Variants in YARS1 observed in about 807,000 individuals in gnomAD.
YARS1 encodes the protein tyrosyl-tRNA synthetase 1.
In YARS1, 36 loss-of-function variants were observed where a neutral mutation model predicts 62.2. The observed-to-expected ratio is 0.58, with a 90% CI of 0.44 to 0.76. YARS1 has a LOEUF of 0.76. YARS1 is among the 30% of genes least tolerant of loss of function. The probability of loss-of-function intolerance (pLI) is 0.00; values close to 1 mark genes in which losing one functional copy is unlikely to be tolerated. For synonymous variants in YARS1, 234 were observed against 244.9 expected, an observed-to-expected ratio of 0.96 and a Z score of 0.42; for missense variants, 524 against 639.8, an observed-to-expected ratio of 0.82 and a Z score of 1.95.
At chr1:32,792,835 G>A (rs1653454409) in intron 5 of YARS1, among the ~76,000 whole-genome samples, 1 of 151,526 alleles carries the variant, frequency 6.6e-6, no homozygotes, top group South Asian at 2.1e-4. Flanking sequence ...AGCTGAGATT[G>A]CGCCACTGCA....
At position 32,780,162 on chromosome 1, in the gene YARS1, C is replaced by A. The variant is rs141675786; in HGVS notation, c.1257G>T (p.Leu419=). Residue 419 remains leucine (L), a synonymous_variant, in exon 11 of 13, where the codon CTG becomes CTT. Transcript: ENST00000373477. The part of the protein sequence containing the change: ...FVPKEELQDR[L]VVVLCNLKPQ... ...GTTTCAGGTTGCACAGCACCACTAC[C>A]AGCCTGTCCTGCAGTTCCTCCTTGG... 1 of 1,614,190 alleles carries A rather than the reference C, an allele frequency of 6.2e-7. No individual in the cohort carries two copies. The highest frequency in any genetic ancestry group is 8.5e-7 in the Non-Finnish European group (1 of 1,180,034).
Position 32,782,532 on chromosome 1 carries a change from T to C in YARS1, c.914A>G (p.His305Arg). The change falls in exon 9 of 13, where the codon CAT becomes CGT. Residue 305 changes from histidine (H) to arginine (R), a missense_variant. By Grantham distance (29) the His-to-Arg change is conservative. Coordinates refer to ENST00000373477, the MANE Select transcript of YARS1 (RefSeq NM_003680.4). ...AACAGAATTCTTCAGGTCTCCAGGATGTACAACCTGCAGAATCGAACAAGA... is the reference window on the plus strand; with the variant it reads ...AACAGAATTCTTCAGGTCTCCAGGACGTACAACCTGCAGAATCGAACAAGA... ...LEKDFAAEVVHPGDLKNSVEV... is the reference protein window; with the variant it reads ...LEKDFAAEVVRPGDLKNSVEV... 6.2e-7 allele frequency: 1 copy of C among 1,614,120 alleles called. No individual in the cohort carries two copies. The highest frequency in any genetic ancestry group is 8.5e-7 in the Non-Finnish European group (1 of 1,180,036).
intron 8 of YARS1, chr1:32,782,963 C>T (rs1653107772): frequency 4.6e-6 from 1 of 216,672 alleles, no homozygotes; most frequent in East Asian, 1.2e-4. Flanking sequence ...AGATTCCCAG[C>T]TAGCTGTGTG....
intron 4 of YARS1, among the ~76,000 whole-genome samples, chr1:32,799,636 T>C (rs57734982): frequency 6.6e-6 from 1 of 152,214 alleles, no homozygotes; most frequent in Non-Finnish European, 1.5e-5. Flanking sequence ...CAGAATCTTC[T>C]GTGGTGATGA....
chr1:32,787,105 T>G (rs1324194643), intron 6 of YARS1, 30 bp from the exon 7 acceptor site: 2 of 1,613,672 alleles, frequency 1.2e-6, no homozygotes, highest in African/African-American at 2.7e-5. Context: ...AGAGGACCTC[T>G]TGTGGTTGAA....
chr1:32,808,221 ATTT>A (rs58621825), intron 3 of YARS1, among the ~76,000 whole-genome samples: 1 of 118,346 alleles, frequency 8.4e-6, no homozygotes, highest in Non-Finnish European at 1.8e-5. Context: ...CTCCCCCACC[ATTT>A]TTTTTTTTTT....
In YARS1 at chr1:32,786,717, C is replaced by A. The variant is rs1653240251; in HGVS notation, c.820+223G>T. 4 of 730,278 alleles carry A rather than the reference C, an allele frequency of 5.5e-6. No homozygotes were observed. In the South Asian group the frequency reaches 7.4e-5, roughly 14 times the overall value. The allele number at this position is 730,278 out of a possible 1,614,324, so 45.2% of individuals were successfully genotyped here. A position where few individuals can be genotyped will look rare whatever the true frequency, so the allele number is the denominator to read the frequency against. On this transcript the variant is annotated intron_variant, in intron 7 of 12. Transcript: ENST00000373477. ...CTGCCCCCACCCTTACTTCTAACAC[C>A]TCTGCCCACTCCAGTATTCCCTCAG...
intron 12 of YARS1, among the ~76,000 whole-genome samples, chr1:32,778,472 G>C (rs1225791226): frequency 2.7e-5 from 4 of 150,892 alleles, no homozygotes; most frequent in Admixed American, 6.6e-5. Flanking sequence ...GCAGTGGCGT[G>C]ATCTCGGCTC....
chr1:32,788,014 G>C (rs1463723695), intron 6 of YARS1, among the ~76,000 whole-genome samples: 1 of 152,140 alleles, frequency 6.6e-6, no homozygotes, highest in Non-Finnish European at 1.5e-5. Flanking sequence ...GGAGGCTGAG[G>C]CAGGAGGATC....
intron 8 of YARS1, among the ~76,000 whole-genome samples, chr1:32,785,145 A>T (rs1653179206): frequency 6.6e-6 from 1 of 152,186 alleles, no homozygotes; most frequent in Non-Finnish European, 1.5e-5. Context: ...CATTAACAAA[A>T]TATGCAGCCC....
At chr1:32,804,441 C>T (rs1450590774) in intron 4 of YARS1, among the ~76,000 whole-genome samples, 8 of 151,470 alleles carry the variant, frequency 5.3e-5, no homozygotes, top group Non-Finnish European at 1.0e-4. Flanking sequence ...CCGGACGGGG[C>T]GGCTGCCGGG....
intron 1 of YARS1, chr1:32,816,781 A>C: frequency 4.7e-6 from 1 of 210,820 alleles, no homozygotes; most frequent in Non-Finnish European, 9.8e-6. Context: ...CTTTCCCTTT[A>C]AAGCTCCCAG....
chr1:32,812,077 G>A (rs963618678), intron 1 of YARS1, among the ~76,000 whole-genome samples: 2 of 151,988 alleles, frequency 1.3e-5, no homozygotes, highest in Admixed American at 1.3e-4. Context: ...GCAGGAGTCC[G>A]GTTGTGCAAA....
At chr1:32,790,424 G>T (rs112700864) in intron 6 of YARS1, among the ~76,000 whole-genome samples, 25,547 of 142,900 alleles carry the variant, frequency 0.18, 2,561 homozygotes, top group African/African-American at 0.27. Context: ...TGAGGCAGGA[G>T]AATGGCATGA....
Position 32,787,061 on chromosome 1 carries a change from A to C in YARS1, c.699T>G (p.Asp233Glu). ...MSSSEEESKI[D>E]LLDRKEDVKK... ...TCACATCCTCCTTCCGATCAAGGAG[A>C]TCAATCTTGGACTCCTAGAAGTCAT... Residue 233 changes from aspartate to glutamate, a missense_variant, in exon 7 of 13, where the codon GAT (aspartate) becomes GAG (glutamate). Coordinates refer to ENST00000373477, the MANE Select transcript of YARS1 (RefSeq NM_003680.4). The C allele has an allele frequency of 6.2e-7, 1 of 1,614,132 alleles. No homozygotes were observed. Among genetic ancestry groups the C allele is most frequent in the Non-Finnish European group, 8.5e-7 (1 of 1,180,018 alleles).
rs376407043 is a variant in YARS1 at position 32,804,595 on chromosome 1, G to T, written c.510+1887C>A. Reference sequence around the variant, plus strand: ...AGAGACACTCCTCAGTTCCCAGACCGGGTCGCGGCCGGACAGAGGCGCTCC... The same window carrying T: ...AGAGACACTCCTCAGTTCCCAGACCTGGTCGCGGCCGGACAGAGGCGCTCC... On this transcript the variant is annotated intron_variant, in intron 4 of 12. Coordinates refer to ENST00000373477, the MANE Select transcript of YARS1 (RefSeq NM_003680.4). Among the ~76,000 whole-genome samples the T allele has an allele frequency of 2.0e-5, 3 of 152,106 alleles. No homozygotes were observed. In the South Asian group the frequency reaches 6.2e-4, roughly 32 times the overall value.
At chr1:32,783,888 G>A (rs1461515472) in intron 8 of YARS1, 1 of 152,164 alleles carries the variant, frequency 6.6e-6, no homozygotes, top group East Asian at 1.9e-4. Flanking sequence ...AGCCACATGT[G>A]GCTTCTGTAT....
Position 32,806,492 on chromosome 1 carries a change from G to A in YARS1, c.500C>T (p.Pro167Leu). Residue 167 changes from proline to leucine, a missense_variant, in exon 4 of 13, where the codon CCC becomes CTC. By Grantham distance (98) the Pro-to-Leu change is moderately conservative. Coordinates refer to ENST00000373477, the MANE Select transcript of YARS1 (RefSeq NM_003680.4). Reference protein sequence around the residue: ...EHPLLSGLLYPGLQALDEEYL... With the variant: ...EHPLLSGLLYLGLQALDEEYL... ...ATCCCCCTTAAGTACCTGCAGTCCG[G>A]GGTATAAGAGGCCACTCAGCAAAGG... 6.2e-7 allele frequency: 1 copy of A among 1,614,040 alleles called. No homozygotes were observed. Among genetic ancestry groups the A allele is most frequent in the Non-Finnish European group, 8.5e-7 (1 of 1,180,010 alleles).
In YARS1 at chr1:32,780,285, G is replaced by C. The variant is rs949403106; in HGVS notation, c.1141-7C>G. On this transcript the variant is annotated splice_polypyrimidine_tract_variant and splice_region_variant and intron_variant, in intron 10 of 12. Coordinates refer to ENST00000373477, the MANE Select transcript of YARS1 (RefSeq NM_003680.4). ...GGCTGTCTGCATCTGGGTGCTGCCA[G>C]GGAGAGACGTCAGGAGGAAGAGGAT... 1 of 1,613,996 alleles carries C rather than the reference G, an allele frequency of 6.2e-7. No individual in the cohort carries two copies.
Sources: allele counts gnomAD v4.1 joint callset (sites outside exome capture counted in the v4.1 genomes callset), GRCh38; gene constraint gnomAD v4.1.1; transcripts MANE v1.5; gene names NCBI Gene and HGNC (gene_info 2026-07-23, HGNC 2026-07-21).